Variants in CDH12 observed in about 807,000 individuals in gnomAD.
CDH12 encodes the protein cadherin 12, also known as cadherin-12.
A neutral mutation model predicts 74.1 loss-of-function variants in CDH12; 41 were observed. The observed-to-expected ratio is 0.55, with a 90% CI of 0.43 to 0.72. The LOEUF is 0.72. Among genes scored for constraint, CDH12 ranks in the 30% least tolerant of loss-of-function variants. The pLI is 0.00. For synonymous variants in CDH12, 399 were observed against 355.0 expected (o/e 1.12, Z -1.39); for missense variants, 945 against 977.2 (o/e 0.97, Z 0.44).
At chr5:22,587,115 C>T (rs894607732) in intron 1 of CDH12, among the ~76,000 whole-genome samples, 10 of 151,982 alleles carry the variant, frequency 6.6e-5, no homozygotes, top group Admixed American at 2.6e-4. Context: ...GGATTACAGT[C>T]GTGAGCCATT....
At position 22,823,625 on chromosome 5, in the gene CDH12, T is replaced by C. The variant is rs142398002; in HGVS notation, c.-523+29433A>G. Among the ~76,000 whole-genome samples the C allele has an allele frequency of 3.3e-3, 495 of 152,206 alleles. 7 individuals are homozygous for C. Among genetic ancestry groups the C allele is most frequent in the African/African-American group, 0.012 (478 of 41,530 alleles). On this transcript the variant is annotated intron_variant, in intron 1 of 14. Coordinates refer to ENST00000382254, the MANE Select transcript of CDH12 (RefSeq NM_004061.5). ...GTTAGGCTGTGTGTCGCCAACCAAA[T>C]CTCTTCTCAAATTGTAATCCCCAAG... is the stretch of plus-strand genomic sequence containing the variant.
Position 21,818,837 on chromosome 5 carries a change from C to A in CDH12, c.815-1705G>T, listed in dbSNP as rs373692786. Among the ~76,000 whole-genome samples the A allele has an allele frequency of 4.0e-5, 6 of 151,746 alleles. No homozygotes were observed. The East Asian group carries it at 5.8e-4, about 15-fold the overall frequency. On this transcript the variant is annotated intron_variant, in intron 8 of 14. Coordinates refer to ENST00000382254, the MANE Select transcript of CDH12 (RefSeq NM_004061.5). Reference sequence around the variant, plus strand: ...AACATTATAGACCTAACAACAACAACAAAAAACTCCTTCCAAGTCACAATG... The same window carrying A: ...AACATTATAGACCTAACAACAACAAAAAAAAACTCCTTCCAAGTCACAATG...
intron 1 of CDH12, among the ~76,000 whole-genome samples, chr5:22,789,226 C>G (rs1042988461): frequency 1.3e-5 from 2 of 151,934 alleles, no homozygotes; most frequent in African/African-American, 4.8e-5. Context: ...TTAGTTTTAA[C>G]TTGATATTGT....
chr5:22,400,609 T>G (rs1487364900), intron 3 of CDH12, among the ~76,000 whole-genome samples: 2 of 152,208 alleles, frequency 1.3e-5, no homozygotes, highest in East Asian at 1.9e-4. Context: ...GCTTGGGTAC[T>G]GAAGTTGCAA....
chr5:21,969,661 G>C (rs1302485525), intron 6 of CDH12, among the ~76,000 whole-genome samples: 3 of 152,084 alleles, frequency 2.0e-5, no homozygotes, highest in South Asian at 2.1e-4. Flanking sequence ...GAGAAGCCTT[G>C]AGACAGAGGT....
intron 11 of CDH12, among the ~76,000 whole-genome samples, chr5:21,778,776 C>T (rs1444374176): frequency 6.6e-6 from 1 of 151,970 alleles, no homozygotes; most frequent in Non-Finnish European, 1.5e-5. Context: ...TAATGTTTTG[C>T]TCATAGATAG....
At chr5:22,173,615 CCTTT>C (rs1241728319) in intron 4 of CDH12, among the ~76,000 whole-genome samples, 1 of 149,090 alleles carries the variant, frequency 6.7e-6, no homozygotes, top group Non-Finnish European at 1.5e-5. Context: ...GTTAACTCTT[CCTTT>C]CTATGAGATG....
At chr5:22,439,894 A>G (rs1744556162) in intron 2 of CDH12, among the ~76,000 whole-genome samples, 1 of 152,092 alleles carries the variant, frequency 6.6e-6, no homozygotes, top group Admixed American at 6.6e-5. Flanking sequence ...TGTTCATATA[A>G]TAGGGAGCTC....
intron 2 of CDH12, among the ~76,000 whole-genome samples, chr5:22,433,173 T>C (rs1277215003): frequency 6.6e-6 from 1 of 152,178 alleles, no homozygotes; most frequent in Admixed American, 6.6e-5. Flanking sequence ...TTCTTTTTCA[T>C]GAGCCACCTT....
chr5:22,687,894 G>T (rs1328093251), intron 1 of CDH12, among the ~76,000 whole-genome samples: 1 of 152,094 alleles, frequency 6.6e-6, no homozygotes, highest in Non-Finnish European at 1.5e-5. Flanking sequence ...ACAGAAGGAG[G>T]TGTTAATCAC....
At chr5:22,797,332 C>T (rs550157258) in intron 1 of CDH12, among the ~76,000 whole-genome samples, 5 of 152,264 alleles carry the variant, frequency 3.3e-5, no homozygotes, top group Non-Finnish European at 7.3e-5. Context: ...GCTCAGCCTC[C>T]AGAATGGTGA....
At chr5:22,122,717 T>C (rs1231780284) in intron 4 of CDH12, among the ~76,000 whole-genome samples, 1 of 152,242 alleles carries the variant, frequency 6.6e-6, no homozygotes, top group African/African-American at 2.4e-5. Flanking sequence ...GCAGATTGCC[T>C]GTTGCAATGT....
At chr5:22,085,413 TA>T (rs1387840320) in intron 4 of CDH12, among the ~76,000 whole-genome samples, 1 of 152,182 alleles carries the variant, frequency 6.6e-6, no homozygotes, top group Non-Finnish European at 1.5e-5. Flanking sequence ...GACAACTTAT[TA>T]AGCTGAAAGA....
At chr5:22,775,470 G>A (rs1044964618) in intron 1 of CDH12, among the ~76,000 whole-genome samples, 1 of 151,696 alleles carries the variant, frequency 6.6e-6, no homozygotes, top group East Asian at 1.9e-4. Flanking sequence ...TTTAACCAAC[G>A]TAATAAAATA....
At chr5:22,551,359 C>G (rs1738563099) in intron 1 of CDH12, among the ~76,000 whole-genome samples, 1 of 152,044 alleles carries the variant, frequency 6.6e-6, no homozygotes, top group South Asian at 2.1e-4. Context: ...TTTAAGGTAC[C>G]CAGTCTTTAG....
At chr5:21,919,666 T>A (rs1340997723) in intron 6 of CDH12, among the ~76,000 whole-genome samples, 1 of 152,156 alleles carries the variant, frequency 6.6e-6, no homozygotes, top group Non-Finnish European at 1.5e-5. Context: ...TAGACTTGAT[T>A]CCCGGAGAAA....
chr5:22,719,687 GGTAGA>G (rs1367562371), intron 1 of CDH12, among the ~76,000 whole-genome samples: 1 of 152,122 alleles, frequency 6.6e-6, no homozygotes, highest in Non-Finnish European at 1.5e-5. Context: ...TCATTTTGGG[GGTAGA>G]GGAGGCTACA....
intron 4 of CDH12, among the ~76,000 whole-genome samples, chr5:22,200,927 T>C (rs1750894139): frequency 6.6e-6 from 1 of 152,176 alleles, no homozygotes; most frequent in South Asian, 2.1e-4. Flanking sequence ...GTTCTGTGAT[T>C]GGATTATAAG....
intron 1 of CDH12, among the ~76,000 whole-genome samples, chr5:22,722,107 G>A (rs949202244): frequency 6.6e-6 from 1 of 152,124 alleles, no homozygotes; most frequent in African/African-American, 2.4e-5. Flanking sequence ...TCTAACCTTT[G>A]TGACAATTGT....
Sources: gnomAD v4.1 joint callset for allele counts (sites outside exome capture counted in the v4.1 genomes callset) on GRCh38, gnomAD v4.1.1 for gene constraint, MANE v1.5 for transcripts, NCBI Gene and HGNC (gene_info 2026-07-23, HGNC 2026-07-21) for gene names.